LRRC4C: variants seen among roughly 807,000 people sequenced by gnomAD.
The protein encoded by LRRC4C is leucine-rich repeat-containing protein 4C.
Under a neutral mutation model 33.6 loss-of-function variants are expected in LRRC4C, and 5 were observed. That is an observed-to-expected ratio of 0.15 (90% CI 0.08 to 0.31). The LOEUF is 0.31. LRRC4C is among the 10% of genes least tolerant of loss of function. LRRC4C has a pLI of 1.00. For missense variants in LRRC4C, 560 were observed against 796.7 expected (o/e 0.70, Z 3.58); for synonymous variants, 329 against 302.0 (o/e 1.09, Z -0.93).
intron 2 of LRRC4C, among the ~76,000 whole-genome samples, chr11:40,673,877 T>C (rs1944252961): frequency 6.6e-6 from 1 of 152,170 alleles, no homozygotes; most frequent in African/African-American, 2.4e-5. Context: ...AAATTAATGA[T>C]GGTCACCAAG....
chr11:41,179,192 T>A (rs2136142387), intron 1 of LRRC4C, among the ~76,000 whole-genome samples: 1 of 152,094 alleles, frequency 6.6e-6, no homozygotes, highest in East Asian at 1.9e-4. Flanking sequence ...CCTCTTTTTT[T>A]TTTTTTTTTA....
chr11:40,261,154 C>A (rs1867680456), intron 4 of LRRC4C, among the ~76,000 whole-genome samples: 1 of 152,110 alleles, frequency 6.6e-6, no homozygotes, highest in African/African-American at 2.4e-5. Flanking sequence ...AGGCATGAGT[C>A]TGGGATTATA....
At position 40,392,445 on chromosome 11, in the gene LRRC4C, G is replaced by C. The variant is rs185857043; in HGVS notation, c.-269-72724C>G. ...GAAGGGGCCATATGAGGAACTCTTT[G>C]TATGTTCTGCAGAAATTTTCTGTAA... On this transcript the variant is annotated intron_variant, in intron 3 of 6. Transcript: ENST00000528697. Among the ~76,000 whole-genome samples the C allele has an allele frequency of 4.3e-4, 65 of 152,068 alleles. No individual in the cohort carries two copies. In the East Asian group the frequency reaches 0.012, roughly 28 times the overall value.
At chr11:40,456,223 AAAGC>A (rs1019422954) in intron 3 of LRRC4C, among the ~76,000 whole-genome samples, 15 of 152,184 alleles carry the variant, frequency 9.9e-5, no homozygotes, top group African/African-American at 3.4e-4. Flanking sequence ...AATTTGAGAA[AAAGC>A]AAGAAGCAAA....
chr11:40,728,490 T>C (rs966459810), intron 2 of LRRC4C, among the ~76,000 whole-genome samples: 3 of 151,440 alleles, frequency 2.0e-5, no homozygotes, highest in Non-Finnish European at 4.4e-5. Context: ...GCTGGGTGTG[T>C]TGGCGGGCGC....
intron 2 of LRRC4C, among the ~76,000 whole-genome samples, chr11:40,913,182 C>A (rs1956778337): frequency 6.6e-6 from 1 of 152,176 alleles, no homozygotes; most frequent in African/African-American, 2.4e-5. Context: ...GAACTCAGCT[C>A]TGCACCAAGT....
At chr11:41,218,132 A>G (rs530011675) in intron 1 of LRRC4C, among the ~76,000 whole-genome samples, 72 of 52,092 alleles carry the variant, frequency 1.4e-3, no homozygotes, top group Middle Eastern at 8.3e-3. Context: ...GACTTCCTCA[A>G]GGTCACCAAA....
At chr11:41,354,329 T>C (rs1392968764) in intron 1 of LRRC4C, among the ~76,000 whole-genome samples, 1 of 151,778 alleles carries the variant, frequency 6.6e-6, no homozygotes. Context: ...AAGTGAAATA[T>C]CTCCACAAGG....
chr11:41,449,854 G>A (rs182982064), intron 1 of LRRC4C, among the ~76,000 whole-genome samples: 2 of 150,622 alleles, frequency 1.3e-5, no homozygotes, highest in Admixed American at 1.3e-4. Context: ...TCTCCCTTTT[G>A]CCTTTCCTGG....
chr11:40,367,081 C>T (rs1403482403), intron 3 of LRRC4C, among the ~76,000 whole-genome samples: 1 of 152,022 alleles, frequency 6.6e-6, no homozygotes, highest in Admixed American at 6.6e-5. Context: ...TTATTTAATA[C>T]CTGCATCCTC....
intron 1 of LRRC4C, among the ~76,000 whole-genome samples, chr11:41,304,757 T>G: frequency 2.5e-5 from 1 of 39,964 alleles, no homozygotes; most frequent in Non-Finnish European, 4.6e-5. Context: ...CCGCCCCGTC[T>G]GGGAGGGAGG....
At chr11:41,381,182 A>T (rs1953132685) in intron 1 of LRRC4C, among the ~76,000 whole-genome samples, 1 of 152,178 alleles carries the variant, frequency 6.6e-6, no homozygotes, top group Non-Finnish European at 1.5e-5. Context: ...AAAGTTCAAG[A>T]AATAACACCT....
At chr11:41,102,081 G>A (rs1329344717) in intron 1 of LRRC4C, among the ~76,000 whole-genome samples, 2 of 151,722 alleles carry the variant, frequency 1.3e-5, no homozygotes, top group Non-Finnish European at 2.9e-5. Context: ...ACAAACCCCC[G>A]TGACATGAGT....
At chr11:40,507,426 CT>C (rs200238552) in intron 3 of LRRC4C, among the ~76,000 whole-genome samples, 6 of 151,814 alleles carry the variant, frequency 4.0e-5, no homozygotes, top group Non-Finnish European at 7.4e-5. Flanking sequence ...CAAATTAAAA[CT>C]TTTTTTTAAC....
chr11:40,286,479 A>C (rs1193887990), intron 4 of LRRC4C, among the ~76,000 whole-genome samples: 3 of 152,194 alleles, frequency 2.0e-5, no homozygotes, highest in Non-Finnish European at 2.9e-5. Flanking sequence ...CTTCATTATG[A>C]ATTTGATTGA....
intron 3 of LRRC4C, among the ~76,000 whole-genome samples, chr11:40,543,863 G>A (rs184170864): frequency 2.2e-4 from 33 of 152,122 alleles, no homozygotes; most frequent in African/African-American, 7.7e-4. Flanking sequence ...AAATACATGG[G>A]TGTATTACTA....
intron 1 of LRRC4C, among the ~76,000 whole-genome samples, chr11:41,453,408 C>T (rs560278233): frequency 6.6e-6 from 1 of 152,216 alleles, no homozygotes; most frequent in East Asian, 1.9e-4. Flanking sequence ...ACTAACATCA[C>T]ATCTTTCCAC....
intron 5 of LRRC4C, among the ~76,000 whole-genome samples, chr11:40,234,805 A>G (rs1170527622): frequency 6.6e-6 from 1 of 152,184 alleles, no homozygotes; most frequent in Non-Finnish European, 1.5e-5. Flanking sequence ...TAGGGGCTAC[A>G]CTGTGCATTA....
intron 4 of LRRC4C, among the ~76,000 whole-genome samples, chr11:40,246,739 A>C (rs1030658848): frequency 6.6e-6 from 1 of 152,162 alleles, no homozygotes; most frequent in African/African-American, 2.4e-5. Context: ...CTTAGATTAT[A>C]AAAGTAGGTA....
Sources: allele counts gnomAD v4.1 joint callset (sites outside exome capture counted in the v4.1 genomes callset), GRCh38; gene constraint gnomAD v4.1.1; transcripts MANE v1.5; gene names NCBI Gene and HGNC (gene_info 2026-07-23, HGNC 2026-07-21).